The following IDO2 variants were observed in gnomAD, a reference collection of about 807,000 sequenced individuals.
The protein encoded by IDO2 is indoleamine 2,3-dioxygenase 2, also known as indoleamine 2,3-dioxygenase-like 1 protein.
IDO2 carries 46 observed loss-of-function variants against 45.1 expected under a neutral mutation model. That is an observed-to-expected ratio of 1.02 (90% CI 0.80 to 1.30). The LOEUF (loss-of-function observed/expected upper bound fraction) is 1.30. Ranked by LOEUF, IDO2 falls within the 50% of genes most tolerant of loss-of-function variation. IDO2 has a pLI of 0.00. For synonymous variants in IDO2, 218 were observed against 184.9 expected, an observed-to-expected ratio of 1.18 and a Z score of -1.45; for missense variants, 544 against 491.8, an observed-to-expected ratio of 1.11 and a Z score of -1.00.
At chr8:39,964,221 G>C (rs892565880) in intron 3 of IDO2, among the ~76,000 whole-genome samples, 1 of 152,138 alleles carries the variant, frequency 6.6e-6, no homozygotes, top group Non-Finnish European at 1.5e-5. Flanking sequence ...CTGATACAAA[G>C]GTAATTGCAG....
chr8:39,989,784 C>A, exon 8 of IDO2: 1 of 1,605,518 alleles, frequency 6.2e-7, no homozygotes, highest in Non-Finnish European at 8.5e-7. Context: ...CCAAGCCCTG[C>A]AGCGACTGAG....
At chr8:39,947,171 C>CAAAAAAAAAAAAAAAAAAAA (rs55785952) in intron 1 of IDO2, among the ~76,000 whole-genome samples, 2 of 80,038 alleles carry the variant, frequency 2.5e-5, no homozygotes, top group African/African-American at 5.0e-5. Context: ...GCTAAGGTAT[C>CAAAAAAAAAAAAAAAAAAAA]AAAAAAAAAA....
intron 7 of IDO2, 51 bp from the exon 8 acceptor site, chr8:39,989,670 A>G (rs1808472209): frequency 7.8e-7 from 1 of 1,287,442 alleles, no homozygotes; most frequent in East Asian, 2.5e-5. Flanking sequence ...CTCTGCCTGC[A>G]TGGACTTTAA....
At position 39,979,219 on chromosome 8, in the gene IDO2, C is replaced by G. The variant is rs542026441; in HGVS notation, c.315+33C>G. 1.4e-5 allele frequency: 22 copies of G among 1,555,898 alleles called. No individual in the cohort carries two copies. The East Asian group carries it at 4.8e-4, about 34-fold the overall frequency. On this transcript the variant is annotated intron_variant, in intron 4 of 10. Coordinates refer to ENST00000502986, the Ensembl canonical transcript of IDO2. Reference sequence around the variant, plus strand: ...CCAGAGAGCAGCTTCTCCTGTTACCCGGCAGGTTACCTGCGCCTGGAGTAA... The same window carrying G: ...CCAGAGAGCAGCTTCTCCTGTTACCGGGCAGGTTACCTGCGCCTGGAGTAA...
chr8:39,992,909 C>T (rs1222591332), intron 8 of IDO2, among the ~76,000 whole-genome samples: 1 of 152,102 alleles, frequency 6.6e-6, no homozygotes, highest in Non-Finnish European at 1.5e-5. Context: ...TGGAGAGCCA[C>T]CCTCCTGGTA....
intron 2 of IDO2, among the ~76,000 whole-genome samples, chr8:39,957,074 TAAATA>T (rs931838563): frequency 3.5e-5 from 4 of 112,974 alleles, no homozygotes; most frequent in African/African-American, 1.3e-4. Flanking sequence ...AAGAGATCAA[TAAATA>T]AAATAAATAA....
intron 1 of IDO2, among the ~76,000 whole-genome samples, chr8:39,943,820 G>A (rs1410081459): frequency 6.6e-6 from 1 of 151,142 alleles, no homozygotes; most frequent in African/African-American, 2.4e-5. Context: ...TCTAAGAACT[G>A]GAACAAGACA....
intron 8 of IDO2, chr8:39,998,313 T>C (rs1802080612): frequency 6.6e-6 from 1 of 152,264 alleles, no homozygotes; most frequent in Admixed American, 6.5e-5. Context: ...TATTTTGTTC[T>C]CTGCAACTTT....
At chr8:40,004,864 G>T (rs903055178) in intron 8 of IDO2, among the ~76,000 whole-genome samples, 4 of 152,148 alleles carry the variant, frequency 2.6e-5, no homozygotes, top group Non-Finnish European at 5.9e-5. Flanking sequence ...GCAATCCCTG[G>T]GCAAGGGACA....
chr8:39,988,072 T>C (rs1014140749), intron 7 of IDO2, 102 bp downstream of exon 7: 2 of 685,774 alleles, frequency 2.9e-6, no homozygotes, highest in Non-Finnish European at 2.6e-6. Context: ...CAAATGAACA[T>C]AGACCTTGTC....
At chr8:40,001,057 G>A (rs182002364) in intron 8 of IDO2, among the ~76,000 whole-genome samples, 20 of 152,066 alleles carry the variant, frequency 1.3e-4, no homozygotes, top group Admixed American at 5.2e-4. Flanking sequence ...TTGAACTCCT[G>A]GCTTCAAATG....
At chr8:39,956,393 C>G (rs12542808) in intron 2 of IDO2, among the ~76,000 whole-genome samples, 59,073 of 152,066 alleles carry the variant, frequency 0.39, 12,670 homozygotes, top group Non-Finnish European at 0.49. Flanking sequence ...TTTCTGTGTT[C>G]TGAAACAGAT....
At chr8:39,981,895 GAGCC>G (rs1808359037) in intron 4 of IDO2, among the ~76,000 whole-genome samples, 1 of 152,170 alleles carries the variant, frequency 6.6e-6, no homozygotes, top group Non-Finnish European at 1.5e-5. Flanking sequence ...GGCTGATAAA[GAGCC>G]GTGGAGGGTT....
chr8:39,935,368 T>C (rs1807529094), intron 1 of IDO2, 150 bp downstream of exon 1: 3 of 711,680 alleles, frequency 4.2e-6, no homozygotes, highest in South Asian at 1.7e-5. Flanking sequence ...AAAGTGCACA[T>C]GTACTTGCAT....
intron 2 of IDO2, among the ~76,000 whole-genome samples, chr8:39,958,152 G>A (rs560838759): frequency 1.3e-5 from 2 of 151,966 alleles, no homozygotes; most frequent in East Asian, 3.9e-4. Flanking sequence ...TGATCTGCCC[G>A]CATCGGCCTC....
At chr8:39,989,210 G>C (rs1394529900) in intron 7 of IDO2, among the ~76,000 whole-genome samples, 1 of 152,050 alleles carries the variant, frequency 6.6e-6, no homozygotes, top group Admixed American at 6.5e-5. Context: ...ATCAGATTTT[G>C]TGAAAACTCT....
chr8:40,014,776 C>T lies in IDO2; in HGVS notation c.869-471C>T, dbSNP rs75669483. On this transcript the variant is annotated intron_variant, in intron 10 of 10. Transcript: ENST00000502986. ...ACTGTTAGAAATATACATTTGAGTA[C>T]GTGAAGTCTGCAAACAAAAGGGCCA... Among the ~76,000 whole-genome samples the T allele has an allele frequency of 2.8e-3, 431 of 152,252 alleles. 2 individuals carry two copies. Among genetic ancestry groups the T allele is most frequent in the Non-Finnish European group, 5.3e-3 (360 of 68,032 alleles).
At chr8:39,939,960 C>CA (rs34880875) in intron 1 of IDO2, among the ~76,000 whole-genome samples, 63,980 of 151,922 alleles carry the variant, frequency 0.42, 13,664 homozygotes, top group East Asian at 0.57. Flanking sequence ...GGGCCATTTC[C>CA]AAAAAGCCCT....
chr8:39,936,759 A>C (rs2129592809), intron 1 of IDO2, among the ~76,000 whole-genome samples: 1 of 152,348 alleles, frequency 6.6e-6, no homozygotes, highest in Middle Eastern at 3.4e-3. Context: ...AGCCTCCACA[A>C]AGAGAAAATG....
Sources: gnomAD v4.1 joint callset for allele counts (sites outside exome capture counted in the v4.1 genomes callset) on GRCh38, gnomAD v4.1.1 for gene constraint, MANE v1.5 for transcripts, NCBI Gene and HGNC (gene_info 2026-07-23, HGNC 2026-07-21) for gene names.